The following LRRC1 variants were observed in gnomAD, a reference collection of about 807,000 sequenced individuals.
LRRC1 encodes the protein leucine rich repeat containing 1.
LRRC1 carries 28 observed loss-of-function variants against 69.9 expected under a neutral mutation model. The observed-to-expected ratio is 0.40, with a 90% confidence interval of 0.30 to 0.55. The LOEUF (loss-of-function observed/expected upper bound fraction) is 0.55. Among genes scored for constraint, LRRC1 ranks in the 20% least tolerant of loss-of-function variants. The pLI is 0.47. For missense variants in LRRC1, 498 were observed against 609.0 expected (o/e 0.82, Z 1.92); for synonymous variants, 236 against 240.2 (o/e 0.98, Z 0.16).
intron 9 of LRRC1, among the ~76,000 whole-genome samples, chr6:53,903,386 T>G (rs558370898): frequency 1.8e-4 from 27 of 152,174 alleles, no homozygotes; most frequent in South Asian, 4.2e-4. Context: ...GCAGCAGATC[T>G]CAGTCGTCTT....
intron 10 of LRRC1, among the ~76,000 whole-genome samples, chr6:53,913,520 A>G (rs1768475685): frequency 6.6e-6 from 1 of 152,206 alleles, no homozygotes; most frequent in African/African-American, 2.4e-5. Flanking sequence ...TCTGGATTGT[A>G]TAGTTTGGTT....
chr6:53,824,956 T>C (rs2127410201), intron 1 of LRRC1, among the ~76,000 whole-genome samples: 1 of 152,340 alleles, frequency 6.6e-6, no homozygotes, highest in Middle Eastern at 3.4e-3. Context: ...AACATTTTTC[T>C]TTCATTAGTT....
intron 1 of LRRC1, among the ~76,000 whole-genome samples, chr6:53,829,237 CTGTGCTTCAGT>C (rs1033097852): frequency 1.3e-5 from 2 of 152,160 alleles, no homozygotes; most frequent in African/African-American, 4.8e-5. Context: ...GGTAATCTCT[CTGTGCTTCAGT>C]TGGACCATTT....
chr6:53,816,380 T>G (rs1429946107), intron 1 of LRRC1, among the ~76,000 whole-genome samples: 1 of 152,060 alleles, frequency 6.6e-6, no homozygotes, highest in Non-Finnish European at 1.5e-5. Context: ...CCGAGTTCAT[T>G]ACGTGACAGA....
Position 53,892,487 on chromosome 6 carries a change from G to A in LRRC1, c.447-4011G>A, listed in dbSNP as rs190154526. 1.9e-4 allele frequency among the ~76,000 whole-genome samples: 29 copies of A among 152,280 alleles called. No individual in the cohort carries two copies. The East Asian group carries it at 5.0e-3, about 26-fold the overall frequency. On this transcript the variant is annotated intron_variant, in intron 4 of 13. Coordinates refer to ENST00000370888, the MANE Select transcript of LRRC1 (RefSeq NM_018214.5). ...CTTGACCTTCTGATTAAGAGCTTGGGCTCTTCAGCACACAGGATTAGGTTT... is the reference window on the plus strand; with the variant it reads ...CTTGACCTTCTGATTAAGAGCTTGGACTCTTCAGCACACAGGATTAGGTTT...
At chr6:53,845,388 A>G (rs1004847567) in intron 2 of LRRC1, among the ~76,000 whole-genome samples, 2 of 152,324 alleles carry the variant, frequency 1.3e-5, no homozygotes, top group African/African-American at 2.4e-5. Flanking sequence ...GTAACCGAGT[A>G]GGCAAATAAA....
intron 2 of LRRC1, among the ~76,000 whole-genome samples, chr6:53,861,983 T>G (rs2127423517): frequency 6.6e-6 from 1 of 152,242 alleles, no homozygotes; most frequent in Non-Finnish European, 1.5e-5. Flanking sequence ...AGCCTGACCA[T>G]AGAGGCTTAT....
At chr6:53,900,852 C>T (rs1488280599) in intron 8 of LRRC1, among the ~76,000 whole-genome samples, 2 of 152,274 alleles carry the variant, frequency 1.3e-5, no homozygotes, top group African/African-American at 4.8e-5. Flanking sequence ...CTGTATTTAA[C>T]CATGGAGTTA....
intron 1 of LRRC1, among the ~76,000 whole-genome samples, chr6:53,805,207 C>G (rs1191599167): frequency 6.6e-6 from 1 of 152,044 alleles, no homozygotes; most frequent in Non-Finnish European, 1.5e-5. Context: ...TGCTATGGGC[C>G]CTTGTCAGAG....
intron 11 of LRRC1, among the ~76,000 whole-genome samples, chr6:53,916,900 T>C (rs1025276330): frequency 5.3e-5 from 8 of 152,156 alleles, no homozygotes; most frequent in African/African-American, 9.7e-5. Context: ...ACAAGAGGCT[T>C]ACAGTTTGGT....
rs539246740 is a variant in LRRC1, at chr6:53,844,858, G to C, written c.277+2631G>C. ...TATGTGTGTGGTGGATGTGGGGGTA[G>C]AGGGGAAGACAGCATGGAAGGTTCA... is the stretch of plus-strand genomic sequence containing the variant. On this transcript the variant is annotated intron_variant, in intron 2 of 13. Coordinates refer to ENST00000370888, the MANE Select transcript of LRRC1 (RefSeq NM_018214.5). 2.0e-5 allele frequency among the ~76,000 whole-genome samples: 3 copies of C among 152,290 alleles called. No homozygotes were observed. The South Asian group carries it at 6.2e-4, about 32-fold the overall frequency.
intron 1 of LRRC1, among the ~76,000 whole-genome samples, chr6:53,833,616 G>A (rs1231133574): frequency 1.3e-5 from 2 of 152,128 alleles, no homozygotes; most frequent in Non-Finnish European, 2.9e-5. Context: ...TGCAAGGAAA[G>A]GAGTCAGCAC....
chr6:53,840,572 T>C (rs1024272110), intron 1 of LRRC1, among the ~76,000 whole-genome samples: 3 of 152,144 alleles, frequency 2.0e-5, no homozygotes, highest in Non-Finnish European at 2.9e-5. Context: ...TACTTTGTAG[T>C]ACCTTGTGAA....
At chr6:53,908,703 G>A (rs539146400) in intron 10 of LRRC1, among the ~76,000 whole-genome samples, 1 of 152,080 alleles carries the variant, frequency 6.6e-6, no homozygotes, top group African/African-American at 2.4e-5. Flanking sequence ...TTCTTGAAAG[G>A]GGGCAGGGAG....
chr6:53,856,262 A>G (rs6458967), intron 2 of LRRC1, among the ~76,000 whole-genome samples: 56,501 of 152,136 alleles, frequency 0.37, 10,970 homozygotes, highest in East Asian at 0.64. Flanking sequence ...AACCAGTGCC[A>G]TGAATTTGGG....
intron 1 of LRRC1, among the ~76,000 whole-genome samples, chr6:53,838,285 A>G (rs1411063296): frequency 6.6e-6 from 1 of 152,226 alleles, no homozygotes. Flanking sequence ...TACATCTGGC[A>G]TGTACTTCCC....
At chr6:53,829,130 ACCTT>A (rs1244337877) in intron 1 of LRRC1, among the ~76,000 whole-genome samples, 2 of 152,180 alleles carry the variant, frequency 1.3e-5, no homozygotes, top group African/African-American at 4.8e-5. Context: ...TCCACAGTGC[ACCTT>A]CTTTGCCTTG....
intron 1 of LRRC1, among the ~76,000 whole-genome samples, chr6:53,809,352 A>G (rs904757384): frequency 5.9e-5 from 9 of 152,220 alleles, no homozygotes; most frequent in African/African-American, 1.9e-4. Context: ...AACATATTAC[A>G]CTTATTCTCA....
chr6:53,797,034 G>GT (rs1402079439), intron 1 of LRRC1, among the ~76,000 whole-genome samples: 2 of 151,986 alleles, frequency 1.3e-5, no homozygotes, highest in African/African-American at 2.4e-5. Flanking sequence ...TGTGGTATTT[G>GT]TTTTTTTGTT....
Sources: allele counts gnomAD v4.1 joint callset (sites outside exome capture counted in the v4.1 genomes callset), GRCh38; gene constraint gnomAD v4.1.1; transcripts MANE v1.5; gene names NCBI Gene and HGNC (gene_info 2026-07-23, HGNC 2026-07-21).